Variants in DIAPH3 observed in about 807,000 individuals in gnomAD.
DIAPH3 encodes protein diaphanous homolog 3.
A neutral mutation model predicts 144.3 loss-of-function variants in DIAPH3; 117 were observed. The ratio of observed to expected loss-of-function variants is 0.81; its 90% confidence interval spans 0.70 to 0.95. The LOEUF (loss-of-function observed/expected upper bound fraction) is 0.95. DIAPH3 is among the 40% of genes least tolerant of loss of function. The pLI is 0.00. For missense variants in DIAPH3, 1,421 were observed against 1,412.7 expected, an observed-to-expected ratio of 1.01 and a Z score of -0.09; for synonymous variants, 519 against 488.9, an observed-to-expected ratio of 1.06 and a Z score of -0.81.
chr13:59,843,746 T>A (rs2042469580), intron 22 of DIAPH3, among the ~76,000 whole-genome samples: 1 of 152,200 alleles, frequency 6.6e-6, no homozygotes, highest in African/African-American at 2.4e-5. Context: ...TTGACCAACC[T>A]CTCACTTGGT....
intron 24 of DIAPH3, among the ~76,000 whole-genome samples, chr13:59,813,023 A>G (rs951833636): frequency 1.3e-5 from 2 of 152,226 alleles, no homozygotes; most frequent in African/African-American, 4.8e-5. Flanking sequence ...CTTACTACCT[A>G]TTATAAAAGA....
At chr13:60,112,719 C>T (rs2058601245) in intron 2 of DIAPH3, among the ~76,000 whole-genome samples, 1 of 152,114 alleles carries the variant, frequency 6.6e-6, no homozygotes, top group Admixed American at 6.5e-5. Flanking sequence ...TTTGTTCAGG[C>T]TGGTCTGTAT....
chr13:59,749,922 A>G lies in DIAPH3; in HGVS notation c.3319+24267T>C, dbSNP rs150584265. Among the ~76,000 whole-genome samples the G allele has an allele frequency of 2.6e-3, 400 of 152,260 alleles. 3 individuals are homozygous for G. In the East Asian group the frequency reaches 0.038, roughly 14 times the overall value. Reference sequence around the variant, plus strand: ...GGCCCTTCATGATACTCTGTTAGCTATCTCCCTGGAAAGAGCAGGACAAGT... The same window carrying G: ...GGCCCTTCATGATACTCTGTTAGCTGTCTCCCTGGAAAGAGCAGGACAAGT... On this transcript the variant is annotated intron_variant, in intron 27 of 27. Transcript: ENST00000400324.
intron 24 of DIAPH3, among the ~76,000 whole-genome samples, chr13:59,812,418 C>T (rs1434233474): frequency 1.3e-5 from 2 of 151,836 alleles, no homozygotes; most frequent in East Asian, 1.9e-4. Context: ...GAAAGGAAGG[C>T]GGAGAGGGGA....
At chr13:60,097,990 A>T (rs1473923689) in intron 3 of DIAPH3, among the ~76,000 whole-genome samples, 1 of 152,166 alleles carries the variant, frequency 6.6e-6, no homozygotes, top group African/African-American at 2.4e-5. Flanking sequence ...TTTTTCCTAA[A>T]AAATGCATAT....
intron 25 of DIAPH3, among the ~76,000 whole-genome samples, chr13:59,807,898 C>T (rs2040277672): frequency 6.6e-6 from 1 of 151,808 alleles, no homozygotes; most frequent in South Asian, 2.1e-4. Flanking sequence ...ATAAAATTAC[C>T]TATTTTAAAG....
chr13:60,148,776 G>C (rs1454499635), intron 1 of DIAPH3, among the ~76,000 whole-genome samples: 1 of 152,206 alleles, frequency 6.6e-6, no homozygotes, highest in Non-Finnish European at 1.5e-5. Context: ...CTGGGCAACA[G>C]AGCAAGACCC....
intron 13 of DIAPH3, 73 bp from the exon 14 acceptor site, chr13:59,980,932 G>A: frequency 9.7e-6 from 12 of 1,242,988 alleles, no homozygotes; most frequent in Admixed American, 9.3e-5. Flanking sequence ...AGTTTAGAAA[G>A]AAAAAAGATC....
At chr13:59,891,298 G>A (rs1285590161) in intron 20 of DIAPH3, among the ~76,000 whole-genome samples, 1 of 152,000 alleles carries the variant, frequency 6.6e-6, no homozygotes, top group East Asian at 1.9e-4. Flanking sequence ...TGCATGGCTG[G>A]TAATTAGTAT....
intron 27 of DIAPH3, chr13:59,773,974 G>A (rs1244158844): frequency 3.9e-6 from 2 of 513,106 alleles, no homozygotes; most frequent in Non-Finnish European, 6.9e-6. Flanking sequence ...ATTCACTAGA[G>A]ACCTGATAGA....
intron 13 of DIAPH3, among the ~76,000 whole-genome samples, chr13:59,981,367 G>C (rs757741255): frequency 6.6e-6 from 1 of 151,408 alleles, no homozygotes; most frequent in Non-Finnish European, 1.5e-5. Flanking sequence ...GAAACCAATA[G>C]TGAAAGCTAA....
intron 24 of DIAPH3, among the ~76,000 whole-genome samples, chr13:59,815,160 T>C (rs2040700359): frequency 6.6e-6 from 1 of 152,208 alleles, no homozygotes; most frequent in African/African-American, 2.4e-5. Context: ...CTTTCTCCAA[T>C]AATATGCAAA....
At chr13:59,983,723 G>T in intron 13 of DIAPH3, 46 bp downstream of exon 13, 1 of 1,320,234 alleles carries the variant, frequency 7.6e-7, no homozygotes, top group Non-Finnish European at 1.1e-6. Flanking sequence ...CTCATTCATA[G>T]AATAAGAGAC....
intron 20 of DIAPH3, among the ~76,000 whole-genome samples, chr13:59,902,763 G>A (rs1487077340): frequency 6.6e-6 from 1 of 152,132 alleles, no homozygotes; most frequent in Non-Finnish European, 1.5e-5. Flanking sequence ...GCAATGAAGT[G>A]AAACTGTCTC....
chr13:59,843,057 G>A (rs935880680), intron 22 of DIAPH3, among the ~76,000 whole-genome samples: 4 of 152,026 alleles, frequency 2.6e-5, no homozygotes, highest in South Asian at 2.1e-4. Context: ...CCCTTTAATC[G>A]TATGTTTACT....
intron 1 of DIAPH3, among the ~76,000 whole-genome samples, chr13:60,137,746 T>TTC (rs2059325070): frequency 6.7e-6 from 1 of 150,154 alleles, no homozygotes; most frequent in Non-Finnish European, 1.5e-5. Flanking sequence ...AATTGACTTT[T>TTC]TTTTTTTTTT....
chr13:60,112,833 G>T (rs1342430342), intron 2 of DIAPH3, among the ~76,000 whole-genome samples: 2 of 151,976 alleles, frequency 1.3e-5, no homozygotes, highest in African/African-American at 4.8e-5. Flanking sequence ...TAATCAAATA[G>T]CTTGCTGACA....
At chr13:59,846,823 C>G (rs575360210) in intron 22 of DIAPH3, among the ~76,000 whole-genome samples, 2 of 152,310 alleles carry the variant, frequency 1.3e-5, no homozygotes, top group Non-Finnish European at 2.9e-5. Flanking sequence ...CTCCTGTAAT[C>G]TCAGCACTTT....
At chr13:59,854,589 G>C (rs1363535846) in intron 22 of DIAPH3, among the ~76,000 whole-genome samples, 1 of 152,096 alleles carries the variant, frequency 6.6e-6, no homozygotes, top group African/African-American at 2.4e-5. Flanking sequence ...ATGTTAAACT[G>C]TCCTTCAGAA....
Sources: gnomAD v4.1 joint callset for allele counts (sites outside exome capture counted in the v4.1 genomes callset) on GRCh38, gnomAD v4.1.1 for gene constraint, MANE v1.5 for transcripts, NCBI Gene and HGNC (gene_info 2026-07-23, HGNC 2026-07-21) for gene names.